Variants in ATP8A1 observed in about 807,000 individuals in gnomAD.
ATP8A1 encodes the protein phospholipid-transporting ATPase IA.
A neutral mutation model predicts 177.7 loss-of-function variants in ATP8A1; 90 were observed. That is an observed-to-expected ratio of 0.51 (90% CI 0.43 to 0.60). ATP8A1 has a LOEUF of 0.60. ATP8A1 is among the 20% of genes least tolerant of loss of function. The pLI is 0.00. For synonymous variants in ATP8A1, 493 were observed against 485.9 expected (o/e 1.01, Z -0.19); for missense variants, 1,072 against 1,392.8 (o/e 0.77, Z 3.67).
At chr4:42,531,473 G>A (rs931070462) in intron 20 of ATP8A1, among the ~76,000 whole-genome samples, 1 of 152,152 alleles carries the variant, frequency 6.6e-6, no homozygotes, top group African/African-American at 2.4e-5. Flanking sequence ...TATTGAAAAG[G>A]GAAAAGCTGA....
chr4:42,445,781 C>A (rs2153175315), intron 31 of ATP8A1, among the ~76,000 whole-genome samples: 1 of 152,142 alleles, frequency 6.6e-6, no homozygotes, highest in South Asian at 2.1e-4. Flanking sequence ...TCCAAACATT[C>A]TAAAAGAAGA....
intron 24 of ATP8A1, among the ~76,000 whole-genome samples, chr4:42,499,851 T>G (rs968459864): frequency 6.6e-6 from 1 of 152,186 alleles, no homozygotes. Flanking sequence ...CTCTAGTGCT[T>G]AGCTCACATT....
At chr4:42,580,817 T>A (rs990647095) in intron 10 of ATP8A1, among the ~76,000 whole-genome samples, 2 of 152,176 alleles carry the variant, frequency 1.3e-5, no homozygotes, top group African/African-American at 4.8e-5. Context: ...GGAGCAACTG[T>A]AGGCAGGTGT....
At chr4:42,604,073 C>T (rs1186248428) in intron 5 of ATP8A1, among the ~76,000 whole-genome samples, 5 of 152,172 alleles carry the variant, frequency 3.3e-5, no homozygotes, top group Admixed American at 1.3e-4. Flanking sequence ...GTAGTGAGCG[C>T]ACCATGCTCT....
intron 1 of ATP8A1, among the ~76,000 whole-genome samples, chr4:42,656,622 T>C (rs1741654434): frequency 6.6e-6 from 1 of 152,008 alleles, no homozygotes; most frequent in Non-Finnish European, 1.5e-5. Context: ...AGAACACCCA[T>C]TCGAGGGTAC....
chr4:42,556,665 C>A (rs1230929704), intron 15 of ATP8A1, among the ~76,000 whole-genome samples: 1 of 151,830 alleles, frequency 6.6e-6, no homozygotes, highest in Non-Finnish European at 1.5e-5. Context: ...GTACTTCATA[C>A]GATATAAATG....
intron 25 of ATP8A1, among the ~76,000 whole-genome samples, chr4:42,466,195 TTAGA>T (rs760299760): frequency 4.5e-4 from 68 of 152,260 alleles, no homozygotes; most frequent in African/African-American, 1.4e-3. Flanking sequence ...AAGCTAATAA[TTAGA>T]TAGTAAGAAA....
intron 22 of ATP8A1, among the ~76,000 whole-genome samples, chr4:42,513,009 G>C (rs1020889371): frequency 1.2e-4 from 19 of 152,174 alleles, no homozygotes; most frequent in East Asian, 7.7e-4. Flanking sequence ...GTAAACAAAT[G>C]GATGTAGCTG....
intron 20 of ATP8A1, among the ~76,000 whole-genome samples, chr4:42,541,437 C>A (rs1728376055): frequency 6.6e-6 from 1 of 152,150 alleles, no homozygotes; most frequent in Non-Finnish European, 1.5e-5. Flanking sequence ...TGCAAAATGG[C>A]ATAGCCACTT....
chr4:42,450,367 T>A (rs1280079209), intron 30 of ATP8A1, among the ~76,000 whole-genome samples: 1 of 152,170 alleles, frequency 6.6e-6, no homozygotes, highest in African/African-American at 2.4e-5. Context: ...GGCTTCTCTA[T>A]TGGATGATAT....
chr4:42,418,044 A>C (rs568207957), intron 35 of ATP8A1, among the ~76,000 whole-genome samples: 1 of 152,356 alleles, frequency 6.6e-6, no homozygotes, highest in African/African-American at 2.4e-5. Context: ...GAGTGTGAAC[A>C]CTGAGAAATA....
In ATP8A1 at chr4:42,434,709, TAAG is replaced by T. The variant is rs538760079; in HGVS notation, c.3123+8853_3123+8855del. ...TGATTAGCTTTTGGTCAATGAGATC[TAAG>T]TAGAAACGTATTGGTAATGTCTAAG... On this transcript the variant is annotated intron_variant, in intron 33 of 36. Transcript: ENST00000381668. Among the ~76,000 whole-genome samples, 23 of 152,332 alleles carry T rather than the reference TAAG, an allele frequency of 1.5e-4. No individual in the cohort carries two copies. The South Asian group carries it at 4.8e-3, about 32-fold the overall frequency.
chr4:42,643,701 G>C (rs1005784738), intron 1 of ATP8A1, among the ~76,000 whole-genome samples: 3 of 152,152 alleles, frequency 2.0e-5, no homozygotes, highest in African/African-American at 7.2e-5. Context: ...AAAACTCCTT[G>C]GGAGATTCCA....
intron 25 of ATP8A1, chr4:42,472,138 C>T (rs528286289): frequency 4.6e-6 from 3 of 650,500 alleles, no homozygotes; most frequent in African/African-American, 1.8e-5. Context: ...AAAAGCCATA[C>T]AAAAAATAAG....
intron 4 of ATP8A1, among the ~76,000 whole-genome samples, chr4:42,616,614 A>G (rs936827202): frequency 6.6e-6 from 1 of 152,218 alleles, no homozygotes; most frequent in Non-Finnish European, 1.5e-5. Context: ...ACTGGCATAC[A>G]GTCTCCCCTG....
Position 42,618,290 on chromosome 4 carries a change from T to C in ATP8A1, c.364-2212A>G, listed in dbSNP as rs144910783. ...ATGGTATTGCTCAAGGCTTACTCCC[T>C]GGCCCTCCTCACTTCTAACTCCATA... On this transcript the variant is annotated intron_variant, in intron 4 of 36. Coordinates refer to ENST00000381668, the MANE Select transcript of ATP8A1 (RefSeq NM_006095.2). 2.8e-3 allele frequency among the ~76,000 whole-genome samples: 427 copies of C among 152,340 alleles called. 3 individuals carry two copies. Among genetic ancestry groups the C allele is most frequent in the Admixed American group, 0.022 (329 of 15,302 alleles).
intron 24 of ATP8A1, among the ~76,000 whole-genome samples, chr4:42,486,312 TAAGG>T (rs1449336817): frequency 2.0e-5 from 3 of 152,094 alleles, no homozygotes. Flanking sequence ...CACTTTTAAA[TAAGG>T]AAGAGGAACA....
At chr4:42,555,145 T>C (rs1466187840) in intron 16 of ATP8A1, among the ~76,000 whole-genome samples, 1 of 80,064 alleles carries the variant, frequency 1.2e-5, no homozygotes, top group African/African-American at 5.0e-5. Context: ...ATCTAATCTA[T>C]CTATCTATCT....
intron 6 of ATP8A1, among the ~76,000 whole-genome samples, chr4:42,591,521 T>C (rs550331542): frequency 1.3e-5 from 2 of 152,294 alleles, no homozygotes; most frequent in Admixed American, 1.3e-4. Flanking sequence ...TGTAGCCTTT[T>C]GAGTTACTTA....
Sources: allele counts gnomAD v4.1 joint callset (sites outside exome capture counted in the v4.1 genomes callset), GRCh38; gene constraint gnomAD v4.1.1; transcripts MANE v1.5; gene names NCBI Gene and HGNC (gene_info 2026-07-23, HGNC 2026-07-21).